TTN: variants seen among roughly 807,000 people sequenced by gnomAD.
TTN encodes the protein connectin.
A neutral mutation model predicts 3,223.0 loss-of-function variants in TTN; 1,525 were observed. The ratio of observed to expected loss-of-function variants is 0.47; its 90% confidence interval spans 0.45 to 0.49. TTN has a LOEUF of 0.49. Among genes scored for constraint, TTN ranks in the 20% least tolerant of loss-of-function variants. TTN has a pLI of 0.00. For synonymous variants in TTN, 14,094 were observed against 15,161.0 expected, an observed-to-expected ratio of 0.93 and a Z score of 5.17; for missense variants, 40,786 against 43,424.0, an observed-to-expected ratio of 0.94 and a Z score of 5.40.
At chr2:178,674,512 TA>T (rs1321223084) in intron 150 of TTN, 103 bp from the exon 151 acceptor site, 1 of 627,752 alleles carries the variant, frequency 1.6e-6, no homozygotes, top group Non-Finnish European at 2.6e-6. Flanking sequence ...AACGCTTGTG[TA>T]AACTCACTAG....
At chr2:178,584,131 A>T in intron 311 of TTN, 145 bp downstream of exon 311, 2 of 1,092,792 alleles carry the variant, frequency 1.8e-6, no homozygotes, top group South Asian at 1.8e-5. Flanking sequence ...ATTGTAAGAG[A>T]TAGAACATAT....
At position 178,719,778 on chromosome 2, in the gene TTN, G is replaced by A; in HGVS notation, c.23714C>T (p.Pro7905Leu). Residue 7905 changes from proline (P) to leucine (L), a missense_variant, in exon 82 of 363, where the codon CCT becomes CTT. Transcript: ENST00000589042. ...AGTCACTACACACTCTAATGCAAAA[G>A]GATTTCCAGTAGTGACAGTCATGGG... ...PEPMTVTTGN[P>L]FALECVVTGT... 6.2e-7 allele frequency: 1 copy of A among 1,613,444 alleles called. No individual in the cohort carries two copies. The highest frequency in any genetic ancestry group is 1.1e-5 in the South Asian group (1 of 91,056).
intron 213 of TTN, 23 bp downstream of exon 213, chr2:178,649,225 T>G: frequency 6.8e-7 from 1 of 1,479,970 alleles, no homozygotes. Context: ...TAGAGAAATC[T>G]ATTTTTTCTT....
Position 178,574,580 on chromosome 2 carries a change from A to G in TTN, c.71552T>C (p.Leu23851Pro). 6.2e-7 allele frequency: 1 copy of G among 1,613,534 alleles called. No homozygotes were observed. Among genetic ancestry groups the G allele is most frequent in the Non-Finnish European group, 8.5e-7 (1 of 1,179,618 alleles). The change falls in exon 326 of 363, where the codon CTT becomes CCT. Residue 23851 changes from leucine (L) to proline (P), a missense_variant. Leu to Pro is a moderately conservative substitution (Grantham distance 98). Coordinates refer to ENST00000589042, the MANE Select transcript of TTN (RefSeq NM_001267550.2). ...TAAAATGGGGCTTCCACCATCAGAAAGTGGCTCATGCCAGCTAATTGTCAT... is the reference window on the plus strand; with the variant it reads ...TAAAATGGGGCTTCCACCATCAGAAGGTGGCTCATGCCAGCTAATTGTCAT... Reference protein sequence around the residue: ...DSMTISWHEPLSDGGSPILGY... With the variant: ...DSMTISWHEPPSDGGSPILGY...
At position 178,727,724 on chromosome 2, in the gene TTN, A is replaced by C; in HGVS notation, c.19854T>G (p.Pro6618=). Residue 6618 remains proline, a synonymous_variant, in exon 68 of 363, where the codon CCT becomes CCG. Coordinates refer to ENST00000589042, the MANE Select transcript of TTN (RefSeq NM_001267550.2). ...ACCCTTCCAAGCCAATGAAACATTTAGGACCTGAGACAAGTTCCACATCAT... is the reference window on the plus strand; with the variant it reads ...ACCCTTCCAAGCCAATGAAACATTTCGGACCTGAGACAAGTTCCACATCAT... The part of the protein sequence containing the change: ...FKDDVELVSG[P]KCFIGLEGST... The C allele has an allele frequency of 6.2e-7, 1 of 1,613,396 alleles. No homozygotes were observed. Among genetic ancestry groups the C allele is most frequent in the Middle Eastern group, 1.7e-4 (1 of 6,052 alleles).
At position 178,601,114 on chromosome 2, in the gene TTN, T is replaced by C. The variant is rs748143013; in HGVS notation, c.55790A>G (p.His18597Arg). Residue 18597 changes from histidine to arginine, a missense_variant, in exon 288 of 363, where the codon CAT (histidine) becomes CGT (arginine). Transcript: ENST00000589042. ...KIGLITKNTVHLSWKPPKNDG... is the reference protein window; with the variant it reads ...KIGLITKNTVRLSWKPPKNDG... The stretch of plus-strand genomic sequence containing the variant: ...ATTCTTCGGGGGTTTCCATGACAGA[T>C]GCACTGTGTTCTTTGTGATGAGGCC... 1.3e-6 allele frequency: 2 copies of C among 1,589,296 alleles called. No individual in the cohort carries two copies. Among genetic ancestry groups the C allele is most frequent in the East Asian group, 4.5e-5 (2 of 44,486 alleles).
Position 178,589,269 on chromosome 2 carries a change from T to C in TTN, c.62456A>G (p.Lys20819Arg), listed in dbSNP as rs780962150. ...ATDLTRSPRV[K>R]IDTRADSSKF... Reference sequence around the variant, plus strand: ...AGATGAATCAGCACGGGTATCAATCTTGACCCTTGGTGATCTTGTTAAGTC... The same window carrying C: ...AGATGAATCAGCACGGGTATCAATCCTGACCCTTGGTGATCTTGTTAAGTC... The change falls in exon 304 of 363, where the codon AAG (lysine) becomes AGG (arginine). Residue 20819 changes from lysine (K) to arginine (R), a missense_variant. Lys to Arg is a conservative substitution (Grantham distance 26, BLOSUM62 2). Transcript: ENST00000589042. The C allele has an allele frequency of 1.5e-5, 25 of 1,613,466 alleles. No homozygotes were observed. Among genetic ancestry groups the C allele is most frequent in the Non-Finnish European group, 2.1e-5 (25 of 1,179,600 alleles).
chr2:178,688,058 G>A, intron 127 of TTN, 53 bp downstream of exon 127: 1 of 1,497,204 alleles, frequency 6.7e-7, no homozygotes, highest in Non-Finnish European at 9.2e-7. Flanking sequence ...ATTTGTGAAA[G>A]AAAACACCTC....
In TTN at chr2:178,757,845, C is replaced by T; in HGVS notation, c.10375G>A (p.Glu3459Lys). ...AAGCTGGGCTTTTGGCCAAGGGGCT[C>T]CTTCTTAAATGAAACTGATAAAGAG... ...HVSLSVSFKK[E>K]PLGQKPSFIQ... Residue 3459 changes from glutamate (E) to lysine (K), a missense_variant, in exon 45 of 363, where the codon GAG (glutamate) becomes AAG (lysine). By Grantham distance (56) the Glu-to-Lys change is moderately conservative (BLOSUM62 1). Coordinates refer to ENST00000589042, the MANE Select transcript of TTN (RefSeq NM_001267550.2). 1.3e-6 allele frequency: 2 copies of T among 1,587,228 alleles called. No individual in the cohort carries two copies. The highest frequency in any genetic ancestry group is 8.6e-7 in the Non-Finnish European group (1 of 1,166,920).
Position 178,646,546 on chromosome 2 carries a change from T to C in TTN, c.40236A>G (p.Glu13412=). 3 of 1,545,766 alleles carry C rather than the reference T, an allele frequency of 1.9e-6. No individual in the cohort carries two copies. In the South Asian group the frequency reaches 3.6e-5, roughly 18 times the overall value. ...CGGGCTCTTCAGGTTTAATATACTT[T>C]TCAATTTCACGTTCTTTAAAGAATG... is the stretch of plus-strand genomic sequence containing the variant. ...ETPPVEEREI[E]KYIKPEEPEP... The change falls in exon 216 of 363, where the codon GAA becomes GAG. Residue 13412 remains glutamate (E), a synonymous_variant. Transcript: ENST00000589042.
rs1381917514 is a variant in TTN, at chr2:178,719,462, A to G, written c.23939-11T>C. On this transcript the variant is annotated splice_polypyrimidine_tract_variant and intron_variant, in intron 82 of 362. Coordinates refer to ENST00000589042, the MANE Select transcript of TTN (RefSeq NM_001267550.2). The stretch of plus-strand genomic sequence containing the variant: ...GAGGCACAATCCGATCTATGTGGGG[A>G]AGGGTAGTTTTGCGTTTAAAGAGAA... The G allele has an allele frequency of 1.9e-6, 3 of 1,605,862 alleles. No homozygotes were observed. The highest frequency in any genetic ancestry group is 2.6e-6 in the Non-Finnish European group (3 of 1,174,878).
chr2:178,683,730 G>C (rs746189217), intron 133 of TTN, among the ~76,000 whole-genome samples: 2 of 151,980 alleles, frequency 1.3e-5, no homozygotes, highest in Admixed American at 6.5e-5. Flanking sequence ...CTAGGCAGAT[G>C]AGTTTAGTAT....
chr2:178,613,401 AAGC>A, intron 263 of TTN, 125 bp from the exon 264 acceptor site: 2 of 823,578 alleles, frequency 2.4e-6, no homozygotes, highest in East Asian at 5.5e-5. Context: ...TTTAACTGAA[AAGC>A]ACTTCAATAT....
At chr2:178,550,421 T>C (rs1698916728) in intron 336 of TTN, 148 bp from the exon 337 acceptor site, 1 of 645,846 alleles carries the variant, frequency 1.5e-6, no homozygotes, top group African/African-American at 1.8e-5. Flanking sequence ...GTAGGATTGA[T>C]AATTGAGAAT....
chr2:178,666,967 G>T, intron 162 of TTN, 66 bp from the exon 163 acceptor site: 1 of 1,153,130 alleles, frequency 8.7e-7, no homozygotes, highest in Non-Finnish European at 1.2e-6. Context: ...GACATACTAA[G>T]AAAGTTAGAT....
At position 178,731,425 on chromosome 2, in the gene TTN, C is replaced by G; in HGVS notation, c.17341G>C (p.Glu5781Gln). Residue 5781 changes from glutamate (E) to glutamine (Q), a missense_variant, in exon 59 of 363, where the codon GAG becomes CAG. Coordinates refer to ENST00000589042, the MANE Select transcript of TTN (RefSeq NM_001267550.2). ...AGGTACAAACTGGCCACATTGTTCT[C>G]AAAGGTCATTCTTATATTATCGTCT... ...TEDDNIRMTF[E>Q]NNVASLYLSG... 6.2e-7 allele frequency: 1 copy of G among 1,613,778 alleles called. No individual in the cohort carries two copies. Among genetic ancestry groups the G allele is most frequent in the Non-Finnish European group, 8.5e-7 (1 of 1,179,780 alleles).
rs59989386 is a variant in TTN, at chr2:178,699,383, C to CTTTTTT, written c.30683-475_30683-470dup. The stretch of plus-strand genomic sequence containing the variant: ...TTTGTATTCATGAATAAATAACACT[C>CTTTTTT]TTTTTTTTTTTTTTTTTTTTTTTTT... On this transcript the variant is annotated intron_variant, in intron 111 of 362. Coordinates refer to ENST00000589042, the MANE Select transcript of TTN (RefSeq NM_001267550.2). Among the ~76,000 whole-genome samples the CTTTTTT allele has an allele frequency of 3.8e-4, 17 of 44,912 alleles. 5 individuals are homozygous for CTTTTTT. The highest frequency in any genetic ancestry group is 6.6e-4 in the Non-Finnish European group (15 of 22,892). The allele number at this position is 44,912 out of a possible 152,430, so 29.5% of individuals were successfully genotyped here. A position where few individuals can be genotyped will look rare whatever the true frequency, so the allele number is the denominator to read the frequency against.
chr2:178,588,087 ATTTTT>A lies in TTN; in HGVS notation c.63315_63319del (p.Lys21106SerfsTer6). The A allele has an allele frequency of 6.2e-7, 1 of 1,612,872 alleles. No individual in the cohort carries two copies. Among genetic ancestry groups the A allele is most frequent in the Non-Finnish European group, 8.5e-7 (1 of 1,179,296 alleles). The stretch of plus-strand genomic sequence containing the variant: ...GCCTTCATCAGGAGACGCATCTGCT[ATTTTT>A]GGTCTCATTTCCACAACATATCCAA... On this transcript the variant is annotated frameshift_variant, in exon 305 of 363. Transcript: ENST00000589042. LOFTEE classifies it high-confidence loss of function.
rs747784796 is a variant in TTN at position 178,725,797 on chromosome 2, T to C, written c.20525A>G (p.Asp6842Gly). The C allele has an allele frequency of 1.2e-5, 20 of 1,607,096 alleles. No individual in the cohort carries two copies. The highest frequency in any genetic ancestry group is 5.5e-5 in the South Asian group (5 of 90,206). Residue 6842 changes from aspartate (D) to glycine (G), a missense_variant, in exon 70 of 363, where the codon GAT becomes GGT. Transcript: ENST00000589042. ...HCKAQNEVGS[D>G]TCVCTVKLKE... ...CAATTTTACAGTACAAACACAAGTATCACTTCCCACTTCATTCTGTGCTTT... is the reference window on the plus strand; with the variant it reads ...CAATTTTACAGTACAAACACAAGTACCACTTCCCACTTCATTCTGTGCTTT...
Sources: allele counts gnomAD v4.1 joint callset (sites outside exome capture counted in the v4.1 genomes callset), GRCh38; gene constraint gnomAD v4.1.1; transcripts MANE v1.5; gene names NCBI Gene and HGNC (gene_info 2026-07-23, HGNC 2026-07-21).